Variants in LRP1B observed in about 807,000 individuals in gnomAD.
LRP1B encodes the protein LDL receptor related protein 1B, also known as low-density lipoprotein receptor-related protein 1B.
In LRP1B, 217 loss-of-function variants were observed where a neutral mutation model predicts 556.6. That is an observed-to-expected ratio of 0.39 (90% confidence interval 0.35 to 0.44). The LOEUF is 0.44. LRP1B is among the 20% of genes least tolerant of loss of function. The pLI, the probability that LRP1B is intolerant of heterozygous loss-of-function variation, is 1.00. For missense variants in LRP1B, 5,053 were observed against 5,620.8 expected (o/e 0.90, Z 3.23); for synonymous variants, 2,047 against 1,865.8 (o/e 1.10, Z -2.50).
At chr2:140,271,908 G>A (rs2104946824) in intron 85 of LRP1B, among the ~76,000 whole-genome samples, 1 of 151,388 alleles carries the variant, frequency 6.6e-6, no homozygotes, top group Non-Finnish European at 1.5e-5. Context: ...AAAAATTATA[G>A]TTTCTTGTTT....
intron 11 of LRP1B, among the ~76,000 whole-genome samples, chr2:141,039,307 T>A (rs1470169907): frequency 6.6e-6 from 1 of 151,960 alleles, no homozygotes; most frequent in African/African-American, 2.4e-5. Flanking sequence ...TTATAGCATG[T>A]TGTTATAATT....
intron 41 of LRP1B, among the ~76,000 whole-genome samples, chr2:140,649,640 T>C (rs1009835941): frequency 3.3e-5 from 5 of 152,338 alleles, no homozygotes; most frequent in Admixed American, 6.5e-5. Flanking sequence ...TATATGATAA[T>C]GCCATAACAC....
chr2:141,658,384 TC>T (rs1310344036), intron 2 of LRP1B, among the ~76,000 whole-genome samples: 56 of 152,316 alleles, frequency 3.7e-4, no homozygotes, highest in African/African-American at 1.2e-3. Flanking sequence ...GCTTGCTAAT[TC>T]CAGTGCTTAC....
At chr2:140,757,442 G>A (rs1688775909) in intron 35 of LRP1B, among the ~76,000 whole-genome samples, 1 of 152,142 alleles carries the variant, frequency 6.6e-6, no homozygotes, top group East Asian at 1.9e-4. Context: ...GCAATAAAAT[G>A]GAAGATTATT....
intron 1 of LRP1B, among the ~76,000 whole-genome samples, chr2:141,941,840 GAA>G (rs1252224785): frequency 6.6e-6 from 1 of 152,126 alleles, no homozygotes; most frequent in Non-Finnish European, 1.5e-5. Context: ...TGTGAACTTG[GAA>G]AAAGTTACGT....
intron 77 of LRP1B, among the ~76,000 whole-genome samples, chr2:140,339,410 T>G: frequency 6.6e-6 from 1 of 151,766 alleles, no homozygotes; most frequent in Non-Finnish European, 1.5e-5. Context: ...TTAAGAAAAT[T>G]TAGTTTACAC....
At chr2:141,066,824 G>A (rs181445434) in intron 7 of LRP1B, among the ~76,000 whole-genome samples, 158 of 151,882 alleles carry the variant, frequency 1.0e-3, no homozygotes, top group African/African-American at 3.6e-3. Context: ...AAAAAAACAA[G>A]GTATTTTACG....
chr2:141,032,266 C>T (rs1419345877), intron 11 of LRP1B, among the ~76,000 whole-genome samples: 2 of 152,074 alleles, frequency 1.3e-5, no homozygotes, highest in African/African-American at 4.8e-5. Context: ...ATAAATGCAT[C>T]ATGCCTCATC....
At chr2:141,162,476 C>A (rs937017420) in intron 7 of LRP1B, among the ~76,000 whole-genome samples, 2 of 151,996 alleles carry the variant, frequency 1.3e-5, no homozygotes, top group Non-Finnish European at 2.9e-5. Flanking sequence ...ACAAGGGAAC[C>A]AATGTGAGCC....
intron 3 of LRP1B, among the ~76,000 whole-genome samples, chr2:141,284,498 A>G (rs1180575834): frequency 1.3e-5 from 2 of 152,214 alleles, no homozygotes; most frequent in Non-Finnish European, 2.9e-5. Flanking sequence ...CTAGGAATGG[A>G]AAAAGAAAGA....
Position 141,012,064 on chromosome 2 carries a change from T to C in LRP1B, c.2380+1492A>G, listed in dbSNP as rs377736218. ...CATCATGGAAATGTTATGAGGAAAG[T>C]ATTTCTTATTTTTTTAAATCTTTCA... On this transcript the variant is annotated intron_variant, in intron 14 of 90. Transcript: ENST00000389484. Among the ~76,000 whole-genome samples the C allele has an allele frequency of 4.1e-4, 62 of 152,122 alleles. 1 individual carries two copies. Among genetic ancestry groups the C allele is most frequent in the African/African-American group, 1.5e-3 (61 of 41,538 alleles).
chr2:141,500,535 A>G (rs567126377), intron 2 of LRP1B, among the ~76,000 whole-genome samples: 2 of 152,240 alleles, frequency 1.3e-5, no homozygotes, highest in South Asian at 4.1e-4. Flanking sequence ...ATAAAAGGGA[A>G]ATAAAATGGA....
intron 41 of LRP1B, among the ~76,000 whole-genome samples, chr2:140,636,535 G>A (rs1286756360): frequency 6.6e-6 from 1 of 152,090 alleles, no homozygotes; most frequent in Non-Finnish European, 1.5e-5. Flanking sequence ...GTGGAAGGTA[G>A]TAAAGTTACA....
At chr2:141,147,328 G>A (rs1701810340) in intron 7 of LRP1B, among the ~76,000 whole-genome samples, 1 of 152,082 alleles carries the variant, frequency 6.6e-6, no homozygotes, top group South Asian at 2.1e-4. Flanking sequence ...TAAACCATGT[G>A]AGGTTCCTAT....
chr2:140,817,838 T>C (rs535826617), intron 31 of LRP1B, among the ~76,000 whole-genome samples: 74 of 152,224 alleles, frequency 4.9e-4, no homozygotes, highest in Non-Finnish European at 1.0e-3. Flanking sequence ...TTCCAATAGA[T>C]ATTTTTAATA....
chr2:141,722,394 C>T (rs1263551922), intron 2 of LRP1B, among the ~76,000 whole-genome samples: 1 of 151,950 alleles, frequency 6.6e-6, no homozygotes, highest in Non-Finnish European at 1.5e-5. Flanking sequence ...AAAAAATGGT[C>T]TGAAGAGTCT....
At chr2:140,376,062 C>T (rs560780590) in intron 68 of LRP1B, among the ~76,000 whole-genome samples, 2 of 151,788 alleles carry the variant, frequency 1.3e-5, no homozygotes, top group Admixed American at 6.6e-5. Flanking sequence ...AAATCAACTA[C>T]CAATAGTGTT....
At chr2:141,333,755 T>C (rs1054294844) in intron 3 of LRP1B, among the ~76,000 whole-genome samples, 1 of 152,212 alleles carries the variant, frequency 6.6e-6, no homozygotes, top group African/African-American at 2.4e-5. Flanking sequence ...ACTGTAGCAT[T>C]TATTTTATCA....
At chr2:140,778,595 T>C (rs1689580886) in intron 32 of LRP1B, among the ~76,000 whole-genome samples, 1 of 152,148 alleles carries the variant, frequency 6.6e-6, no homozygotes, top group African/African-American at 2.4e-5. Flanking sequence ...GCCAAAATCA[T>C]GCATAGTAAA....
Sources: gnomAD v4.1 joint callset for allele counts (sites outside exome capture counted in the v4.1 genomes callset) on GRCh38, gnomAD v4.1.1 for gene constraint, MANE v1.5 for transcripts, NCBI Gene and HGNC (gene_info 2026-07-23, HGNC 2026-07-21) for gene names.